The following URI1 variants were observed in gnomAD, a reference collection of about 807,000 sequenced individuals.
URI1 encodes unconventional prefoldin RPB5 interactor 1.
Under a neutral mutation model 60.2 loss-of-function variants are expected in URI1, and 39 were observed. The ratio of observed to expected loss-of-function variants is 0.65; its 90% CI spans 0.50 to 0.85. URI1 has a LOEUF of 0.85. URI1 is among the 40% of genes least tolerant of loss of function. The probability of loss-of-function intolerance (pLI) is 0.00; values close to 1 mark genes in which losing one functional copy is unlikely to be tolerated. For missense variants in URI1, 691 were observed against 665.9 expected, an observed-to-expected ratio of 1.04 and a Z score of -0.42; for synonymous variants, 251 against 236.8, an observed-to-expected ratio of 1.06 and a Z score of -0.55.
At chr19:29,945,748 G>A (rs540757678) in intron 1 of URI1, among the ~76,000 whole-genome samples, 2 of 152,094 alleles carry the variant, frequency 1.3e-5, no homozygotes, top group Non-Finnish European at 2.9e-5. Flanking sequence ...TATGTATAGG[G>A]TGGTTCCAGT....
intron 1 of URI1, among the ~76,000 whole-genome samples, chr19:29,929,862 C>G (rs1380520098): frequency 1.3e-5 from 2 of 151,736 alleles, no homozygotes; most frequent in East Asian, 3.9e-4. Context: ...GATATTAAAC[C>G]CTTATATATA....
chr19:29,943,509 A>T (rs1286437025), intron 1 of URI1, among the ~76,000 whole-genome samples: 1 of 152,256 alleles, frequency 6.6e-6, no homozygotes, highest in East Asian at 1.9e-4. Context: ...ATTTTATGTC[A>T]TGTTTGGAAG....
rs559456073 is a variant in URI1 at position 29,942,477 on chromosome 19, C to T, written c.-71C>T. ...GGGCGGGCGCGCGGGCGCTGGGCAA[C>T]TGCCGGCCGCGCCGCCTGCGCAGGC... On this transcript the variant is annotated 5_prime_UTR_variant, in exon 1 of 11. Transcript: ENST00000392271. 9.2e-6 allele frequency: 10 copies of T among 1,089,532 alleles called. No homozygotes were observed. Among genetic ancestry groups the T allele is most frequent in the Non-Finnish European group, 1.1e-5 (10 of 896,466 alleles). 67.5% of individuals were successfully genotyped at this position (1,089,532 alleles called of 1,614,324 possible). A position where few individuals can be genotyped will look rare whatever the true frequency, so the allele number is the denominator to read the frequency against.
intron 6 of URI1, 138 bp from the exon 7 acceptor site, chr19:30,007,332 G>A: frequency 1.1e-6 from 1 of 888,474 alleles, no homozygotes; most frequent in Non-Finnish European, 1.7e-6. Flanking sequence ...TTCATCCTTG[G>A]AGTTCTGTTT....
intron 4 of URI1, among the ~76,000 whole-genome samples, chr19:29,992,939 C>A (rs1171322730): frequency 6.6e-6 from 1 of 152,162 alleles, no homozygotes; most frequent in Non-Finnish European, 1.5e-5. Context: ...CATTTCTAGT[C>A]ATTAGTCCAG....
rs2055962253 is a variant in URI1 at position 30,007,652 on chromosome 19, A to G, written c.686+14A>G. ...TGAACTTGATAGGTACTTGATGACA[A>G]ATTATCTTTCCAAGATAATTTGTTT... On this transcript the variant is annotated intron_variant, in intron 7 of 10. Coordinates refer to ENST00000392271, the MANE Select transcript of URI1 (RefSeq NM_003796.3). 6.4e-7 allele frequency: 1 copy of G among 1,565,388 alleles called. No individual in the cohort carries two copies. Among genetic ancestry groups the G allele is most frequent in the African/African-American group, 1.4e-5 (1 of 72,398 alleles).
chr19:29,949,293 G>A (rs1329995313), intron 1 of URI1, among the ~76,000 whole-genome samples: 2 of 148,174 alleles, frequency 1.3e-5, no homozygotes, highest in African/African-American at 5.0e-5. Context: ...GGGCAGAGGC[G>A]CTCCCCACAT....
chr19:29,952,041 A>T (rs569044670), intron 1 of URI1, among the ~76,000 whole-genome samples: 2 of 152,384 alleles, frequency 1.3e-5, no homozygotes, highest in Non-Finnish European at 2.9e-5. Flanking sequence ...TGCATCAAGC[A>T]GACAGTACTA....
chr19:29,940,112 G>A (rs1027183474), upstream of URI1, among the ~76,000 whole-genome samples: 3 of 152,154 alleles, frequency 2.0e-5, no homozygotes, highest in African/African-American at 7.2e-5. Context: ...CTTTTAAACG[G>A]GAAGTTCAGA....
chr19:29,929,952 T>C (rs1021862461), intron 1 of URI1, among the ~76,000 whole-genome samples: 1 of 151,700 alleles, frequency 6.6e-6, no homozygotes, highest in African/African-American at 2.4e-5. Context: ...TTTTTTTTTT[T>C]TTTTTGAGAC....
intron 1 of URI1, among the ~76,000 whole-genome samples, chr19:29,962,097 T>C (rs1190272815): frequency 1.3e-5 from 2 of 152,352 alleles, no homozygotes; most frequent in East Asian, 3.9e-4. Context: ...TGTACCATTT[T>C]ACATTCCCGG....
At chr19:29,968,860 C>A (rs532754836) in intron 1 of URI1, among the ~76,000 whole-genome samples, 1 of 151,516 alleles carries the variant, frequency 6.6e-6, no homozygotes, top group Non-Finnish European at 1.5e-5. Flanking sequence ...CGTGAGCCAC[C>A]GCGTCTGACC....
At chr19:29,981,704 C>T (rs1038242439) in intron 2 of URI1, among the ~76,000 whole-genome samples, 2 of 152,036 alleles carry the variant, frequency 1.3e-5, no homozygotes, top group Admixed American at 6.5e-5. Context: ...TATGTTGAAG[C>T]CAAAGAAGCA....
At chr19:29,969,941 C>A (rs980667028) in intron 1 of URI1, among the ~76,000 whole-genome samples, 1 of 152,108 alleles carries the variant, frequency 6.6e-6, no homozygotes, top group South Asian at 2.1e-4. Context: ...ACTGAGAGAT[C>A]TTCATTCTAA....
chr19:29,993,354 A>G (rs162931), intron 4 of URI1, among the ~76,000 whole-genome samples: 145,501 of 152,270 alleles, frequency 0.96, 69,536 homozygotes, highest in East Asian at 1. Context: ...ACTGCACACT[A>G]CTTTCCCTCT....
intron 1 of URI1, among the ~76,000 whole-genome samples, chr19:29,943,347 G>T (rs1487553739): frequency 6.6e-6 from 1 of 152,114 alleles, no homozygotes; most frequent in African/African-American, 2.4e-5. Context: ...TTCCTAGTGG[G>T]ACTTTATATA....
intron 1 of URI1, among the ~76,000 whole-genome samples, chr19:29,931,140 C>A (rs1306988243): frequency 2.0e-5 from 3 of 152,060 alleles, no homozygotes; most frequent in Non-Finnish European, 2.9e-5. Flanking sequence ...ATTTTAGGAC[C>A]AGTTTGCCTA....
At chr19:29,950,963 T>G (rs1212167266) in intron 1 of URI1, among the ~76,000 whole-genome samples, 1 of 152,160 alleles carries the variant, frequency 6.6e-6, no homozygotes, top group Non-Finnish European at 1.5e-5. Flanking sequence ...AACAAACATT[T>G]TTGGCAAGAA....
Position 29,986,327 on chromosome 19 carries a change from A to T in URI1, c.277A>T (p.Thr93Ser). The change falls in exon 4 of 11, where the codon ACT (threonine) becomes TCT (serine). Residue 93 changes from threonine to serine, a missense_variant. Coordinates refer to ENST00000392271, the MANE Select transcript of URI1 (RefSeq NM_003796.3). The stretch of plus-strand genomic sequence containing the variant: ...CTTCATGCCAGGAAAACTTGTCCAT[A>T]CTAATGAAGTCACTGTTTTACTGGG... ...FAFMPGKLVHTNEVTVLLGDN... is the reference protein window; with the variant it reads ...FAFMPGKLVHSNEVTVLLGDN... 1 of 1,610,124 alleles carries T rather than the reference A, an allele frequency of 6.2e-7. No homozygotes were observed. The highest frequency in any genetic ancestry group is 8.5e-7 in the Non-Finnish European group (1 of 1,179,390).
Sources: allele counts gnomAD v4.1 joint callset (sites outside exome capture counted in the v4.1 genomes callset), GRCh38; gene constraint gnomAD v4.1.1; transcripts MANE v1.5; gene names NCBI Gene and HGNC (gene_info 2026-07-23, HGNC 2026-07-21).